UGT8: variants seen among roughly 807,000 people sequenced by gnomAD.
UGT8 encodes 2-hydroxyacylsphingosine 1-beta-galactosyltransferase.
In UGT8, 12 loss-of-function variants were observed where a neutral mutation model predicts 40.5. That is an observed-to-expected ratio of 0.30 (90% CI 0.19 to 0.48). The LOEUF (loss-of-function observed/expected upper bound fraction) is 0.48. UGT8 is among the 20% of genes least tolerant of loss of function. UGT8 has a pLI of 0.99. For synonymous variants in UGT8, 224 were observed against 240.4 expected (o/e 0.93, Z 0.63); for missense variants, 513 against 648.7 (o/e 0.79, Z 2.27).
At chr4:114,666,576 T>A (rs1222848771) in intron 4 of UGT8, among the ~76,000 whole-genome samples, 3 of 152,188 alleles carry the variant, frequency 2.0e-5, no homozygotes, top group African/African-American at 7.2e-5. Flanking sequence ...ATGGCTTTAC[T>A]GTTATGACTT....
intron 2 of UGT8, among the ~76,000 whole-genome samples, chr4:114,658,231 A>C (rs1734304926): frequency 6.6e-6 from 1 of 152,158 alleles, no homozygotes; most frequent in African/African-American, 2.4e-5. Flanking sequence ...TTAAATGGGA[A>C]AAGAGGCCTA....
chr4:114,623,232 G>T lies in UGT8; in HGVS notation c.352G>T (p.Val118Phe), dbSNP rs1159400206. The change falls in exon 2 of 6, where the codon GTT becomes TTT. Residue 118 changes from valine (V) to phenylalanine (F), a missense_variant. Val to Phe is a conservative substitution (Grantham distance 50). Around this residue, in one of 3 missense-constraint regions of UGT8, gnomAD observed 335 missense variants for 444.8 expected, o/e 0.75. Transcript: ENST00000310836. ...DHYTKNCDLM[V>F]GNHALIQGLK... The stretch of plus-strand genomic sequence containing the variant: ...CTATACTAAGAACTGTGACCTGATG[G>T]TTGGCAACCATGCCCTGATCCAGGG... The T allele has an allele frequency of 3.1e-6, 5 of 1,614,058 alleles. No individual in the cohort carries two copies. The highest frequency in any genetic ancestry group is 4.2e-6 in the Non-Finnish European group (5 of 1,180,032).
intron 2 of UGT8, among the ~76,000 whole-genome samples, chr4:114,635,737 G>A (rs1450449968): frequency 1.3e-5 from 2 of 152,086 alleles, no homozygotes; most frequent in African/African-American, 4.8e-5. Context: ...ATATCGCTTT[G>A]TAAATAAAAC....
intron 2 of UGT8, among the ~76,000 whole-genome samples, chr4:114,660,644 G>A (rs961238592): frequency 9.7e-4 from 147 of 152,148 alleles, no homozygotes; most frequent in African/African-American, 3.4e-3. Flanking sequence ...TGTAATCACA[G>A]CACTTTGGGA....
rs189016273 is a variant in UGT8, at chr4:114,645,024, T to C, written c.823-18971T>C. ...CTTCTACTATAATTAATTATAACAC[T>C]CTACACATGCAGTTCACAGACAGAC... is the stretch of plus-strand genomic sequence containing the variant. On this transcript the variant is annotated intron_variant, in intron 2 of 5. Coordinates refer to ENST00000310836, the MANE Select transcript of UGT8 (RefSeq NM_001128174.3). Among the ~76,000 whole-genome samples the C allele has an allele frequency of 3.6e-4, 37 of 104,198 alleles. No homozygotes were observed. The East Asian group carries it at 0.012, about 33-fold the overall frequency. The allele number at this position is 104,198 out of a possible 152,430, so 68.4% of individuals were successfully genotyped here.
At chr4:114,626,915 T>A (rs1732261167) in intron 2 of UGT8, among the ~76,000 whole-genome samples, 1 of 152,228 alleles carries the variant, frequency 6.6e-6, no homozygotes, top group African/African-American at 2.4e-5. Context: ...GCTTTAGAGA[T>A]TTGATAAACT....
At chr4:114,667,670 AT>A in intron 4 of UGT8, 1 of 167,534 alleles carries the variant, frequency 6.0e-6, no homozygotes, top group Non-Finnish European at 1.2e-5. Context: ...CCTTTTTTAC[AT>A]TTTTTTTAAA....
Position 114,654,288 on chromosome 4 carries a change from GA to G in UGT8, c.823-9697del, listed in dbSNP as rs148516843. 5.5e-3 allele frequency among the ~76,000 whole-genome samples: 823 copies of G among 148,832 alleles called. 3 individuals carry two copies. The highest frequency in any genetic ancestry group is 8.6e-3 in the Non-Finnish European group (574 of 67,008). On this transcript the variant is annotated intron_variant, in intron 2 of 5. Coordinates refer to ENST00000310836, the MANE Select transcript of UGT8 (RefSeq NM_001128174.3). ...GTTCTATTCTCCCTGATCTTTATGA[GA>G]AAAAAAAAATGTTAGGGACCTCATG... is the stretch of plus-strand genomic sequence containing the variant.
intron 4 of UGT8, among the ~76,000 whole-genome samples, chr4:114,667,040 AG>A (rs548456135): frequency 3.4e-4 from 51 of 152,146 alleles, no homozygotes; most frequent in African/African-American, 1.2e-3. Flanking sequence ...TTTTGTTCAA[AG>A]AGAGGGGTTT....
chr4:114,669,663 A>T (rs958484405), intron 5 of UGT8, among the ~76,000 whole-genome samples: 2 of 152,234 alleles, frequency 1.3e-5, no homozygotes, highest in Non-Finnish European at 2.9e-5. Flanking sequence ...ATCTTAGGTC[A>T]CATGGCAATT....
chr4:114,656,819 A>C, intron 2 of UGT8: 1 of 521,168 alleles, frequency 1.9e-6, no homozygotes, highest in Non-Finnish European at 4.0e-6. Context: ...AGGTTTCAAT[A>C]CTTTATCTGC....
At chr4:114,599,318 AG>A (rs1357291338) in intron 1 of UGT8, among the ~76,000 whole-genome samples, 1 of 151,884 alleles carries the variant, frequency 6.6e-6, no homozygotes. Context: ...TATAACGGGG[AG>A]GCGATTCGGC....
At chr4:114,603,470 T>G (rs1387317991) in intron 1 of UGT8, among the ~76,000 whole-genome samples, 1 of 151,902 alleles carries the variant, frequency 6.6e-6, no homozygotes, top group Admixed American at 6.6e-5. Flanking sequence ...ATCCTAAAAT[T>G]TAAGAGTTGG....
chr4:114,664,336 C>T (rs1398728671), intron 3 of UGT8, among the ~76,000 whole-genome samples, 199 bp downstream of exon 3: 1 of 152,096 alleles, frequency 6.6e-6, no homozygotes, highest in Non-Finnish European at 1.5e-5. Context: ...AAACCTCTGA[C>T]CTATATAGCA....
chr4:114,650,778 CAAAACAAAACA>C (rs1216834710), intron 2 of UGT8, among the ~76,000 whole-genome samples: 1 of 152,002 alleles, frequency 6.6e-6, no homozygotes, highest in Non-Finnish European at 1.5e-5. Context: ...ACAACAACAA[CAAAACAAAACA>C]AAAACAAAAC....
intron 2 of UGT8, among the ~76,000 whole-genome samples, chr4:114,652,036 A>T (rs1733922931): frequency 6.6e-6 from 1 of 152,150 alleles, no homozygotes; most frequent in African/African-American, 2.4e-5. Context: ...ATTTTATCAC[A>T]CGTTCAAATA....
At chr4:114,649,793 ATGTT>A (rs1447953033) in intron 2 of UGT8, among the ~76,000 whole-genome samples, 2 of 151,760 alleles carry the variant, frequency 1.3e-5, no homozygotes, top group African/African-American at 4.9e-5. Context: ...TGATCTACCT[ATGTT>A]TGTTTTCTTA....
intron 2 of UGT8, among the ~76,000 whole-genome samples, chr4:114,662,582 G>T (rs1248267917): frequency 6.6e-6 from 1 of 152,072 alleles, no homozygotes; most frequent in African/African-American, 2.4e-5. Context: ...TAGCTAGAAG[G>T]ATGTACCTCC....
intron 1 of UGT8, among the ~76,000 whole-genome samples, chr4:114,607,704 G>A (rs563246641): frequency 6.6e-6 from 1 of 152,186 alleles, no homozygotes; most frequent in South Asian, 2.1e-4. Context: ...CTCAGTCTTC[G>A]AAGACAGATT....
Sources: allele counts gnomAD v4.1 joint callset (sites outside exome capture counted in the v4.1 genomes callset), GRCh38; gene constraint gnomAD v4.1.1; regional missense constraint gnomAD v4.1.1; transcripts MANE v1.5; gene names NCBI Gene and HGNC (gene_info 2026-07-23, HGNC 2026-07-21).